OPN5: variants seen among roughly 807,000 people sequenced by gnomAD.
The protein encoded by OPN5 is opsin 5.
A neutral mutation model predicts 41.7 loss-of-function variants in OPN5; 18 were observed. The ratio of observed to expected loss-of-function variants is 0.43; its 90% confidence interval spans 0.30 to 0.64. The LOEUF (loss-of-function observed/expected upper bound fraction) is 0.64, where lower values mean the gene tolerates loss of function less well. OPN5 is among the 30% of genes least tolerant of loss of function. The pLI is 0.13. For synonymous variants in OPN5, 178 were observed against 164.3 expected, an observed-to-expected ratio of 1.08 and a Z score of -0.64; for missense variants, 318 against 434.5, an observed-to-expected ratio of 0.73 and a Z score of 2.38.
At chr6:47,788,298 T>A (rs1773256985) in intron 2 of OPN5, among the ~76,000 whole-genome samples, 1 of 152,234 alleles carries the variant, frequency 6.6e-6, no homozygotes, top group Admixed American at 6.5e-5. Flanking sequence ...GTGCTCTACC[T>A]GGTATTGAGC....
intron 2 of OPN5, among the ~76,000 whole-genome samples, chr6:47,791,143 T>G (rs1773357714): frequency 6.6e-6 from 1 of 152,174 alleles, no homozygotes; most frequent in South Asian, 2.1e-4. Flanking sequence ...GAAGTTTTAT[T>G]ATTAAGAAAA....
At chr6:47,792,987 T>TG (rs1161985863) in intron 3 of OPN5, among the ~76,000 whole-genome samples, 1 of 151,260 alleles carries the variant, frequency 6.6e-6, no homozygotes, top group Non-Finnish European at 1.5e-5. Context: ...ACTACGTTTT[T>TG]TTTTTTTTTT....
chr6:47,801,623 G>A (rs1773776598), intron 4 of OPN5, among the ~76,000 whole-genome samples: 2 of 152,118 alleles, frequency 1.3e-5, no homozygotes, highest in Non-Finnish European at 2.9e-5. Context: ...TCCCAGAGAA[G>A]CATTTCCAAA....
chr6:47,825,148 AAC>A (rs1762755316), downstream of OPN5: 1 of 152,216 alleles, frequency 6.6e-6, no homozygotes, highest in Non-Finnish European at 1.5e-5. Flanking sequence ...CTAATGCATA[AAC>A]ACAAATCTTG....
At chr6:47,803,836 A>T in intron 4 of OPN5, among the ~76,000 whole-genome samples, 1 of 152,106 alleles carries the variant, frequency 6.6e-6, no homozygotes, top group Non-Finnish European at 1.5e-5. Flanking sequence ...TGCTCAGTCG[A>T]GCTGAACCAT....
intron 3 of OPN5, 123 bp from the exon 4 acceptor site, chr6:47,795,106 A>AT: frequency 1.3e-6 from 1 of 776,208 alleles, no homozygotes; most frequent in South Asian, 2.1e-5. Context: ...GGCTTCAGTT[A>AT]TCTGCCCAGG....
intron 4 of OPN5, among the ~76,000 whole-genome samples, chr6:47,802,621 A>G (rs1486425491): frequency 1.3e-5 from 2 of 152,174 alleles, no homozygotes; most frequent in African/African-American, 4.8e-5. Flanking sequence ...CTAGAACCAC[A>G]TGGCCTTCCA....
chr6:47,791,764 CA>C (rs749362095), intron 2 of OPN5, 37 bp from the exon 3 acceptor site: 1 of 1,600,762 alleles, frequency 6.2e-7, no homozygotes, highest in Non-Finnish European at 8.5e-7. Flanking sequence ...AAATAGTAAC[CA>C]GAGGAACGTC....
At chr6:47,789,320 C>A (rs1163045567) in intron 2 of OPN5, among the ~76,000 whole-genome samples, 3 of 152,124 alleles carry the variant, frequency 2.0e-5, no homozygotes, top group Non-Finnish European at 4.4e-5. Context: ...TTTCCATCTA[C>A]CTGCTTTCTC....
At chr6:47,808,181 C>T in exon 5 of OPN5, 1 of 1,613,706 alleles carries the variant, frequency 6.2e-7, no homozygotes, top group Non-Finnish European at 8.5e-7. Context: ...TGCTGGATTC[C>T]TGATTGCCTG....
chr6:47,810,070 C>A (rs1774131892), intron 5 of OPN5, among the ~76,000 whole-genome samples: 1 of 152,176 alleles, frequency 6.6e-6, no homozygotes, highest in South Asian at 2.1e-4. Flanking sequence ...TGACTTAGGG[C>A]CACAGACCTT....
rs758204184 is a variant in OPN5 at position 47,808,258 on chromosome 6, C to G, written c.861C>G (p.Leu287=). The change falls in exon 5 of 7, where the codon CTC becomes CTG. Residue 287 remains leucine, a synonymous_variant. Coordinates refer to ENST00000371211, the Ensembl canonical transcript of OPN5. Reference sequence around the variant, plus strand: ...GGCCAGACTCCATTCCCATACAGCTCTCTGTGGTGCCAACCCTACTTGCAA... The same window carrying G: ...GGCCAGACTCCATTCCCATACAGCTGTCTGTGGTGCCAACCCTACTTGCAA... 3.7e-6 allele frequency: 6 copies of G among 1,614,062 alleles called. No individual in the cohort carries two copies. The East Asian group carries it at 6.7e-5, about 18-fold the overall frequency.
chr6:47,787,134 T>G (rs187930240), intron 2 of OPN5: 392 of 981,436 alleles, frequency 4.0e-4, no homozygotes, highest in Middle Eastern at 2.1e-3. Flanking sequence ...ATATATGTAA[T>G]CATGACTTAG....
intron 1 of OPN5, among the ~76,000 whole-genome samples, chr6:47,784,275 A>G (rs1773146446): frequency 6.7e-6 from 1 of 148,656 alleles, no homozygotes; most frequent in African/African-American, 2.5e-5. Flanking sequence ...CTCTCCTAGA[A>G]TAGGCTAGTG....
intron 1 of OPN5, among the ~76,000 whole-genome samples, chr6:47,785,485 TGGA>T (rs766904452): frequency 1.1e-4 from 17 of 152,188 alleles, no homozygotes; most frequent in Non-Finnish European, 2.5e-4. Flanking sequence ...TGAATTGTGG[TGGA>T]GAAGTAGAAA....
chr6:47,789,313 C>T (rs1414150920), intron 2 of OPN5, among the ~76,000 whole-genome samples: 1 of 152,126 alleles, frequency 6.6e-6, no homozygotes, highest in African/African-American at 2.4e-5. Flanking sequence ...ACAACAGTTT[C>T]CATCTACCTG....
intron 4 of OPN5, among the ~76,000 whole-genome samples, chr6:47,805,776 A>T (rs1561899485): frequency 6.6e-6 from 1 of 152,158 alleles, no homozygotes; most frequent in Non-Finnish European, 1.5e-5. Context: ...AAAACATTGT[A>T]TGTCTCACTC....
chr6:47,817,186 A>G (rs1762454544), intron 6 of OPN5, among the ~76,000 whole-genome samples: 1 of 152,108 alleles, frequency 6.6e-6, no homozygotes, highest in Non-Finnish European at 1.5e-5. Flanking sequence ...TCATGGAGAC[A>G]TACTGGAGAT....
intron 4 of OPN5, among the ~76,000 whole-genome samples, chr6:47,796,788 T>A (rs142354912): frequency 2.6e-4 from 40 of 152,308 alleles, no homozygotes; most frequent in African/African-American, 9.6e-4. Context: ...TTTGGAGTTA[T>A]ACAAAGATCT....
Sources: allele counts gnomAD v4.1 joint callset (sites outside exome capture counted in the v4.1 genomes callset), GRCh38; gene constraint gnomAD v4.1.1; transcripts MANE v1.5; gene names NCBI Gene and HGNC (gene_info 2026-07-23, HGNC 2026-07-21).